Variants in KCNH7 observed in about 807,000 individuals in gnomAD.
The protein encoded by KCNH7 is voltage-gated inwardly rectifying potassium channel KCNH7.
KCNH7 carries 49 observed loss-of-function variants against 120.8 expected under a neutral mutation model. The observed-to-expected ratio is 0.41, with a 90% CI of 0.32 to 0.51. The LOEUF is 0.51. KCNH7 is among the 20% of genes least tolerant of loss of function. The pLI is 0.38. For synonymous variants in KCNH7, 547 were observed against 516.1 expected (o/e 1.06, Z -0.81); for missense variants, 1,097 against 1,446.6 (o/e 0.76, Z 3.92).
At chr2:162,782,584 A>G (rs560074529) in intron 2 of KCNH7, among the ~76,000 whole-genome samples, 2 of 152,318 alleles carry the variant, frequency 1.3e-5, no homozygotes, top group African/African-American at 4.8e-5. Context: ...AAAGAGTCCA[A>G]CCTTCAAACT....
chr2:162,553,322 A>C (rs1466119865), intron 2 of KCNH7, among the ~76,000 whole-genome samples: 1 of 152,156 alleles, frequency 6.6e-6, no homozygotes, highest in Non-Finnish European at 1.5e-5. Context: ...AAAGAGCCAC[A>C]GGGGGCACTT....
intron 6 of KCNH7, among the ~76,000 whole-genome samples, chr2:162,461,582 T>G (rs1689147130): frequency 6.6e-6 from 1 of 152,226 alleles, no homozygotes; most frequent in Admixed American, 6.5e-5. Context: ...AGCAAGTCAA[T>G]TATGCAATGA....
At chr2:162,409,360 T>A (rs1443918600) in intron 9 of KCNH7, among the ~76,000 whole-genome samples, 4 of 151,912 alleles carry the variant, frequency 2.6e-5, no homozygotes, top group Admixed American at 2.6e-4. Flanking sequence ...TGGAAATTAT[T>A]ATATTGACTA....
At chr2:162,471,852 A>T (rs187384775) in intron 6 of KCNH7, among the ~76,000 whole-genome samples, 60 of 152,370 alleles carry the variant, frequency 3.9e-4, no homozygotes, top group African/African-American at 1.3e-3. Context: ...ACAAGGCTAC[A>T]GTAACCAAAA....
chr2:162,736,138 T>C (rs1687902386), intron 2 of KCNH7, among the ~76,000 whole-genome samples: 1 of 152,180 alleles, frequency 6.6e-6, no homozygotes, highest in Non-Finnish European at 1.5e-5. Flanking sequence ...GGACTAGGTC[T>C]TTCTCCCTGA....
At chr2:162,445,289 T>G (rs988182798) in intron 7 of KCNH7, among the ~76,000 whole-genome samples, 1 of 152,110 alleles carries the variant, frequency 6.6e-6, no homozygotes, top group Non-Finnish European at 1.5e-5. Flanking sequence ...ATCGAGGATT[T>G]TTTCAACCTA....
intron 2 of KCNH7, among the ~76,000 whole-genome samples, chr2:162,634,870 G>A (rs1683901770): frequency 6.6e-6 from 1 of 152,026 alleles, no homozygotes; most frequent in Non-Finnish European, 1.5e-5. Flanking sequence ...AGGGTAGCTA[G>A]ACAATAGTCA....
intron 13 of KCNH7, among the ~76,000 whole-genome samples, 200 bp downstream of exon 13, chr2:162,384,488 G>A (rs1284079449): frequency 1.3e-5 from 2 of 151,936 alleles, no homozygotes; most frequent in African/African-American, 4.8e-5. Flanking sequence ...CACTCTATAA[G>A]TGTTTGGGAA....
intron 2 of KCNH7, among the ~76,000 whole-genome samples, chr2:162,816,344 A>C (rs1037135069): frequency 2.0e-5 from 3 of 151,672 alleles, no homozygotes; most frequent in African/African-American, 7.3e-5. Context: ...TTCTTCACTG[A>C]CTATGTGTTT....
At chr2:162,457,702 T>C (rs1689014888) in intron 6 of KCNH7, among the ~76,000 whole-genome samples, 1 of 152,016 alleles carries the variant, frequency 6.6e-6, no homozygotes, top group South Asian at 2.1e-4. Flanking sequence ...CATGATGAGG[T>C]GTTGGTTGAA....
intron 12 of KCNH7, among the ~76,000 whole-genome samples, chr2:162,390,703 A>T (rs1400083818): frequency 6.6e-6 from 1 of 152,022 alleles, no homozygotes; most frequent in South Asian, 2.1e-4. Context: ...GGAAGAAAAG[A>T]TAACTACTTG....
At chr2:162,824,865 G>T (rs1324986470) in intron 2 of KCNH7, among the ~76,000 whole-genome samples, 2 of 151,788 alleles carry the variant, frequency 1.3e-5, no homozygotes, top group African/African-American at 4.8e-5. Context: ...TAGAGAGAGA[G>T]GGAGAGAGTA....
At chr2:162,448,484 G>T (rs1688659885) in intron 6 of KCNH7, among the ~76,000 whole-genome samples, 1 of 152,054 alleles carries the variant, frequency 6.6e-6, no homozygotes, top group Non-Finnish European at 1.5e-5. Context: ...TTGAGCTGCT[G>T]AGATCTTTCC....
intron 2 of KCNH7, among the ~76,000 whole-genome samples, chr2:162,762,179 T>A (rs142454620): frequency 0.01 from 1,578 of 152,178 alleles, 14 homozygotes; most frequent in Non-Finnish European, 0.016. Flanking sequence ...ACTAGAGATC[T>A]CCTTTCCTTT....
chr2:162,792,974 C>T (rs1684010672), intron 2 of KCNH7, among the ~76,000 whole-genome samples: 1 of 151,938 alleles, frequency 6.6e-6, no homozygotes, highest in Admixed American at 6.6e-5. Flanking sequence ...AAATTTCCCT[C>T]TTAATACTGC....
intron 2 of KCNH7, among the ~76,000 whole-genome samples, chr2:162,711,201 A>C (rs1195883916): frequency 1.3e-5 from 2 of 152,228 alleles, no homozygotes; most frequent in African/African-American, 2.4e-5. Context: ...TATTCAGTGC[A>C]TGCCCTCTGG....
chr2:162,376,410 G>T (rs113979890), intron 14 of KCNH7, among the ~76,000 whole-genome samples: 147 of 150,586 alleles, frequency 9.8e-4, no homozygotes, highest in South Asian at 2.9e-3. Flanking sequence ...CTGTCGCCCA[G>T]GCTGGAGTGC....
intron 2 of KCNH7, among the ~76,000 whole-genome samples, chr2:162,648,633 C>T (rs1427985494): frequency 6.6e-6 from 1 of 152,078 alleles, no homozygotes; most frequent in African/African-American, 2.4e-5. Flanking sequence ...CTTTTCCTTC[C>T]AATCCATATC....
intron 6 of KCNH7, among the ~76,000 whole-genome samples, chr2:162,482,355 G>C (rs183059405): frequency 4.6e-5 from 7 of 152,266 alleles, no homozygotes; most frequent in African/African-American, 1.7e-4. Context: ...TGAGGAGTAA[G>C]AATACAGTGA....
Sources: allele counts gnomAD v4.1 joint callset (sites outside exome capture counted in the v4.1 genomes callset), GRCh38; gene constraint gnomAD v4.1.1; transcripts MANE v1.5; gene names NCBI Gene and HGNC (gene_info 2026-07-23, HGNC 2026-07-21).